The following SEMA3A variants were observed in gnomAD, a reference collection of about 807,000 sequenced individuals.
SEMA3A encodes semaphorin-3A.
A neutral mutation model predicts 97.9 loss-of-function variants in SEMA3A; 29 were observed. That is an observed-to-expected ratio of 0.30 (90% CI 0.22 to 0.40). The LOEUF (loss-of-function observed/expected upper bound fraction) is 0.40, where lower values mean the gene tolerates loss of function less well. SEMA3A is among the 10% of genes least tolerant of loss of function. The pLI is 1.00. For missense variants in SEMA3A, 763 were observed against 951.3 expected, an observed-to-expected ratio of 0.80 and a Z score of 2.60; for synonymous variants, 321 against 323.7, an observed-to-expected ratio of 0.99 and a Z score of 0.09.
At chr7:84,074,057 C>T (rs1793850641) in intron 4 of SEMA3A, among the ~76,000 whole-genome samples, 1 of 152,112 alleles carries the variant, frequency 6.6e-6, no homozygotes, top group African/African-American at 2.4e-5. Context: ...CTCCATCCTT[C>T]TAAATAAATA....
At chr7:84,074,829 A>C (rs1187476000) in intron 4 of SEMA3A, among the ~76,000 whole-genome samples, 1 of 152,086 alleles carries the variant, frequency 6.6e-6, no homozygotes, top group Non-Finnish European at 1.5e-5. Flanking sequence ...CAAAAATTCT[A>C]CACTTTAGGA....
At chr7:84,341,087 T>C (rs968444129) in intron 2 of SEMA3A, among the ~76,000 whole-genome samples, 1 of 152,114 alleles carries the variant, frequency 6.6e-6, no homozygotes, top group Non-Finnish European at 1.5e-5. Context: ...AACAGATAAA[T>C]GGATTCCTCA....
intron 6 of SEMA3A, among the ~76,000 whole-genome samples, chr7:84,040,116 C>T (rs989910031): frequency 3.9e-5 from 6 of 151,992 alleles, no homozygotes; most frequent in East Asian, 1.9e-4. Flanking sequence ...TGTGAAAGTT[C>T]CTGAAATCTT....
chr7:84,106,587 G>C (rs1224521537), intron 4 of SEMA3A, among the ~76,000 whole-genome samples: 1 of 152,148 alleles, frequency 6.6e-6, no homozygotes, highest in Non-Finnish European at 1.5e-5. Context: ...ATAACTAGAA[G>C]ACGAAACTGA....
At chr7:84,001,081 TG>T (rs1246451643) in intron 12 of SEMA3A, among the ~76,000 whole-genome samples, 3 of 143,384 alleles carry the variant, frequency 2.1e-5, no homozygotes, top group Admixed American at 7.0e-5. Context: ...TTTTTTTTTT[TG>T]CAGTTATAAA....
At chr7:84,428,570 GA>G (rs1362694483) in intron 1 of SEMA3A, among the ~76,000 whole-genome samples, 1 of 151,760 alleles carries the variant, frequency 6.6e-6, no homozygotes, top group East Asian at 1.9e-4. Flanking sequence ...TCCTATTTGA[GA>G]ATTTTGAAAA....
intron 9 of SEMA3A, among the ~76,000 whole-genome samples, chr7:84,009,558 T>C (rs1171758447): frequency 1.3e-5 from 2 of 152,212 alleles, no homozygotes; most frequent in Admixed American, 1.3e-4. Context: ...CGATTTTTAA[T>C]TATTTTTCTT....
intron 3 of SEMA3A, among the ~76,000 whole-genome samples, chr7:84,128,809 G>C (rs1309305798): frequency 6.6e-6 from 1 of 152,052 alleles, no homozygotes; most frequent in African/African-American, 2.4e-5. Flanking sequence ...TGACCCACAA[G>C]TGGAAAATTC....
intron 2 of SEMA3A, among the ~76,000 whole-genome samples, chr7:84,356,195 ATTACT>A (rs1382656545): frequency 1.3e-5 from 2 of 151,852 alleles, no homozygotes; most frequent in African/African-American, 2.4e-5. Flanking sequence ...TTTTTGGAAA[ATTACT>A]TTAATGGGTA....
chr7:84,056,136 G>A (rs1792965458), intron 5 of SEMA3A, among the ~76,000 whole-genome samples: 1 of 152,120 alleles, frequency 6.6e-6, no homozygotes, highest in African/African-American at 2.4e-5. Context: ...AAACACAAAA[G>A]TTACTATTTG....
chr7:83,981,021 G>GAGAC (rs1318795572), intron 14 of SEMA3A, among the ~76,000 whole-genome samples: 2 of 152,068 alleles, frequency 1.3e-5, no homozygotes, highest in Admixed American at 6.6e-5. Context: ...GTTTAAAAAT[G>GAGAC]AGACAGAATG....
chr7:84,235,195 ATAAAC>A (rs1460026567), intron 3 of SEMA3A, among the ~76,000 whole-genome samples: 3 of 152,124 alleles, frequency 2.0e-5, no homozygotes, highest in Non-Finnish European at 4.4e-5. Flanking sequence ...GACTTGTTAA[ATAAAC>A]TATGTAAGTA....
At chr7:84,361,374 C>T (rs988065767) in intron 2 of SEMA3A, among the ~76,000 whole-genome samples, 1 of 151,420 alleles carries the variant, frequency 6.6e-6, no homozygotes, top group South Asian at 2.1e-4. Context: ...TATTCCTGAA[C>T]AAGGGAAAGA....
intron 1 of SEMA3A, among the ~76,000 whole-genome samples, chr7:84,165,546 A>G (rs1010394849): frequency 6.6e-6 from 1 of 151,936 alleles, no homozygotes; most frequent in African/African-American, 2.4e-5. Context: ...ATAGCTGGTT[A>G]TATATACCAG....
At chr7:84,110,940 C>A (rs1281587261) in intron 3 of SEMA3A, among the ~76,000 whole-genome samples, 1 of 151,992 alleles carries the variant, frequency 6.6e-6, no homozygotes, top group African/African-American at 2.4e-5. Flanking sequence ...CACCAAATTA[C>A]TTGATTAACT....
At chr7:84,350,814 G>A (rs1313432173) in intron 2 of SEMA3A, among the ~76,000 whole-genome samples, 2 of 151,978 alleles carry the variant, frequency 1.3e-5, no homozygotes, top group Admixed American at 6.6e-5. Context: ...TTTCTCAATT[G>A]TCTTTATCTC....
chr7:84,407,209 G>T (rs1292679341), intron 1 of SEMA3A, among the ~76,000 whole-genome samples: 1 of 152,072 alleles, frequency 6.6e-6, no homozygotes, highest in Non-Finnish European at 1.5e-5. Context: ...AAAGTCTCAG[G>T]ATACAAAATC....
intron 1 of SEMA3A, among the ~76,000 whole-genome samples, chr7:84,446,499 T>TA (rs1399158519): frequency 1.3e-5 from 2 of 151,892 alleles, no homozygotes; most frequent in Non-Finnish European, 2.9e-5. Flanking sequence ...ATTCTTGGAA[T>TA]AAAAAAATGG....
chr7:84,024,413 G>A (rs888134855), intron 6 of SEMA3A, among the ~76,000 whole-genome samples: 1 of 151,892 alleles, frequency 6.6e-6, no homozygotes, highest in Admixed American at 6.6e-5. Context: ...GAGTATGGTG[G>A]CACACACCTA....
Sources: gnomAD v4.1 joint callset for allele counts (sites outside exome capture counted in the v4.1 genomes callset) on GRCh38, gnomAD v4.1.1 for gene constraint, MANE v1.5 for transcripts, NCBI Gene and HGNC (gene_info 2026-07-23, HGNC 2026-07-21) for gene names.